HLTF: variants seen among roughly 807,000 people sequenced by gnomAD.
HLTF encodes helicase like transcription factor.
Under a neutral mutation model 129.4 loss-of-function variants are expected in HLTF, and 127 were observed. The observed-to-expected ratio is 0.98, with a 90% CI of 0.85 to 1.14. HLTF has a LOEUF of 1.14. Ranked by LOEUF, HLTF falls within the 50% of genes most tolerant of loss-of-function variation. The pLI is 0.00. For missense variants in HLTF, 1,139 were observed against 1,187.1 expected, an observed-to-expected ratio of 0.96 and a Z score of 0.60; for synonymous variants, 332 against 388.8, an observed-to-expected ratio of 0.85 and a Z score of 1.72.
chr3:149,086,283 A>T lies in HLTF; in HGVS notation c.20+34T>A, dbSNP rs757506600. ...CATTTGGGGACGCCTCCAGGCCGTTAGACCGAGCGCCCCACCCCCTCCGCC... is the reference window on the plus strand; with the variant it reads ...CATTTGGGGACGCCTCCAGGCCGTTTGACCGAGCGCCCCACCCCCTCCGCC... On this transcript the variant is annotated intron_variant, in intron 1 of 24. Coordinates refer to ENST00000310053, the MANE Select transcript of HLTF (RefSeq NM_003071.4). The T allele has an allele frequency of 1.9e-6, 3 of 1,597,594 alleles. No homozygotes were observed. In the Admixed American group the frequency reaches 5.2e-5, roughly 27 times the overall value.
chr3:149,055,227 C>G (rs2108002690), intron 14 of HLTF, 76 bp downstream of exon 14: 1 of 1,006,704 alleles, frequency 9.9e-7, no homozygotes, highest in South Asian at 1.4e-5. Flanking sequence ...CAATGAATGA[C>G]TCTTTAACAG....
In HLTF at chr3:149,071,133, G is replaced by A. The variant is rs113660773; in HGVS notation, c.894+119C>T. On this transcript the variant is annotated intron_variant, in intron 7 of 24. Coordinates refer to ENST00000310053, the MANE Select transcript of HLTF (RefSeq NM_003071.4). ...GGAAAAACTGTGTTCTACAAAGATA[G>A]TAAGATCTAGTCCCAAACTGGTACC... 31 of 579,492 alleles carry A rather than the reference G, an allele frequency of 5.3e-5. 2 individuals are homozygous for A. Among genetic ancestry groups the A allele is most frequent in the African/African-American group, 5.1e-4 (27 of 52,572 alleles). 35.9% of individuals were successfully genotyped at this position (579,492 alleles called of 1,614,324 possible).
At chr3:149,059,479 A>C (rs1339038954) in intron 13 of HLTF, 1 of 497,398 alleles carries the variant, frequency 2.0e-6, no homozygotes, top group African/African-American at 1.9e-5. Context: ...TCTGCTATTC[A>C]GAGGAGTAAG....
At position 149,086,441 on chromosome 3, in the gene HLTF, A is replaced by T; in HGVS notation, c.-105T>A. On this transcript the variant is annotated 5_prime_UTR_variant, in exon 1 of 25. Transcript: ENST00000310053. The stretch of plus-strand genomic sequence containing the variant: ...GCCCCGCAGCCCTGAAGCCGGGGAC[A>T]AATTCCGAGCGCCGGATCAGGAGCG... 1 of 1,368,036 alleles carries T rather than the reference A, an allele frequency of 7.3e-7. No homozygotes were observed. Among genetic ancestry groups the T allele is most frequent in the Non-Finnish European group, 1.0e-6 (1 of 988,428 alleles). The allele number at this position is 1,368,036 out of a possible 1,614,324, so 84.7% of individuals were successfully genotyped here. A position where few individuals can be genotyped will look rare whatever the true frequency, so the allele number is the denominator to read the frequency against.
Position 149,039,200 on chromosome 3 carries a change from T to C in HLTF, c.2645A>G (p.Asp882Gly). 1 of 1,592,540 alleles carries C rather than the reference T, an allele frequency of 6.3e-7. No individual in the cohort carries two copies. Residue 882 changes from aspartate to glycine, a missense_variant, in exon 23 of 25, where the codon GAT becomes GGT. By Grantham distance (94) the Asp-to-Gly change is moderately conservative. Coordinates refer to ENST00000310053, the MANE Select transcript of HLTF (RefSeq NM_003071.4). Reference sequence around the variant, plus strand: ...TCTTTTCTTTTGGGCCATGGAACCATCCAAACGAGTAAACACAAATCCAGA... The same window carrying C: ...TCTTTTCTTTTGGGCCATGGAACCACCCAAACGAGTAAACACAAATCCAGA... ...KASGFVFTRL[D>G]GSMAQKKRVE...
intron 24 of HLTF, among the ~76,000 whole-genome samples, chr3:149,032,994 G>GAAATTCA (rs1233451833): frequency 6.9e-6 from 1 of 145,250 alleles, no homozygotes; most frequent in Non-Finnish European, 1.5e-5. Context: ...ACTATTCCCA[G>GAAATTCA]AAATTCAAGA....
rs370277058 is a variant in HLTF, at chr3:149,032,684, C to T, written c.2878-312G>A. Among the ~76,000 whole-genome samples the T allele has an allele frequency of 2.2e-4, 34 of 152,226 alleles. No individual in the cohort carries two copies. In the South Asian group the frequency reaches 4.6e-3, roughly 20 times the overall value. On this transcript the variant is annotated intron_variant, in intron 24 of 24. Transcript: ENST00000310053. ...ATTGTATTAAAAAGGCCATTCTGGC[C>T]GGGCACGGTGGCTCACACCTGTAAT... is the stretch of plus-strand genomic sequence containing the variant.
chr3:149,040,959 A>T (rs1258369385), intron 20 of HLTF, among the ~76,000 whole-genome samples: 3 of 152,182 alleles, frequency 2.0e-5, no homozygotes, highest in Non-Finnish European at 4.4e-5. Flanking sequence ...CTTCAAAAAA[A>T]TTCTACCACA....
chr3:149,063,958 T>C (rs1177021723), intron 9 of HLTF, among the ~76,000 whole-genome samples: 1 of 152,184 alleles, frequency 6.6e-6, no homozygotes. Flanking sequence ...CATACCAGAA[T>C]GATCCATACT....
intron 10 of HLTF, among the ~76,000 whole-genome samples, chr3:149,061,222 A>C (rs1375153291): frequency 6.6e-6 from 1 of 151,928 alleles, no homozygotes; most frequent in Non-Finnish European, 1.5e-5. Context: ...GGTGCGTGCC[A>C]CTACACCCAG....
chr3:149,062,996 A>G, intron 10 of HLTF: 1 of 453,858 alleles, frequency 2.2e-6, no homozygotes, highest in Non-Finnish European at 4.4e-6. Flanking sequence ...GTAGTTTCAA[A>G]TAAAAGAATG....
At position 149,074,277 on chromosome 3, in the gene HLTF, T is replaced by G; in HGVS notation, c.467A>C (p.Asn156Thr). ...CAACTGATCTGAAACCGCTTTTCTATTTTCTTCTTTTCCCCAAAAAGTCAT... is the reference window on the plus strand; with the variant it reads ...CAACTGATCTGAAACCGCTTTTCTAGTTTCTTCTTTTCCCCAAAAAGTCAT... Reference protein sequence around the residue: ...LHMTFWGKEENRKAVSDQLKK... With the variant: ...LHMTFWGKEETRKAVSDQLKK... Residue 156 changes from asparagine (N) to threonine (T), a missense_variant, in exon 4 of 25, where the codon AAT becomes ACT. Physicochemically the swap from Asn to Thr is moderately conservative, Grantham distance 65 (BLOSUM62 0). Transcript: ENST00000310053. 6.2e-7 allele frequency: 1 copy of G among 1,613,746 alleles called. No individual in the cohort carries two copies. Among genetic ancestry groups the G allele is most frequent in the Non-Finnish European group, 8.5e-7 (1 of 1,179,826 alleles).
intron 23 of HLTF, among the ~76,000 whole-genome samples, chr3:149,036,621 A>C (rs887244123): frequency 7.9e-5 from 12 of 152,094 alleles, no homozygotes; most frequent in African/African-American, 2.7e-4. Context: ...ATGTTCAATG[A>C]AAAGGTAAAA....
chr3:149,083,812 AG>A (rs1720094999), intron 2 of HLTF: 1 of 151,754 alleles, frequency 6.6e-6, no homozygotes, highest in Admixed American at 6.6e-5. Context: ...CCAGCTACTC[AG>A]GAGGCTGAAT....
intron 12 of HLTF, among the ~76,000 whole-genome samples, chr3:149,060,100 G>T (rs564096673): frequency 8.6e-5 from 13 of 152,018 alleles, no homozygotes; most frequent in Non-Finnish European, 1.9e-4. Context: ...AATTTTTCAA[G>T]GAAACAAACA....
At chr3:149,066,098 G>A (rs2108031069) in intron 8 of HLTF, among the ~76,000 whole-genome samples, 1 of 151,668 alleles carries the variant, frequency 6.6e-6, no homozygotes, top group South Asian at 2.1e-4. Context: ...CCAGGCTGGA[G>A]TGCAACGGCA....
chr3:149,069,736 T>A (rs1174567416), intron 7 of HLTF, among the ~76,000 whole-genome samples: 1 of 152,194 alleles, frequency 6.6e-6, no homozygotes, highest in Non-Finnish European at 1.5e-5. Flanking sequence ...ACTGAGTGTC[T>A]GAAAGATACT....
chr3:149,043,563 A>C (rs1438615603), intron 18 of HLTF, among the ~76,000 whole-genome samples: 9 of 151,192 alleles, frequency 6.0e-5, no homozygotes, highest in East Asian at 5.8e-4. Flanking sequence ...AAAAAAAAAA[A>C]AAAAAACCAG....
At chr3:149,051,472 G>T (rs1375598127) in intron 14 of HLTF, among the ~76,000 whole-genome samples, 1 of 152,198 alleles carries the variant, frequency 6.6e-6, no homozygotes, top group Non-Finnish European at 1.5e-5. Flanking sequence ...CATGTACAGT[G>T]AGCAAACGTT....
Sources: allele counts gnomAD v4.1 joint callset (sites outside exome capture counted in the v4.1 genomes callset), GRCh38; gene constraint gnomAD v4.1.1; transcripts MANE v1.5; gene names NCBI Gene and HGNC (gene_info 2026-07-23, HGNC 2026-07-21).